ZNF592: variants seen among roughly 807,000 people sequenced by gnomAD.
ZNF592 encodes the protein spinocerebellar ataxia, autosomal recessive 5.
Under a neutral mutation model 80.3 loss-of-function variants are expected in ZNF592, and 11 were observed. The observed-to-expected ratio is 0.14, with a 90% CI of 0.09 to 0.23. ZNF592 has a LOEUF of 0.23. Among genes scored for constraint, ZNF592 ranks in the 10% least tolerant of loss-of-function variants. The pLI, the probability that ZNF592 is intolerant of heterozygous loss-of-function variation, is 1.00. For synonymous variants in ZNF592, 646 were observed against 640.3 expected (o/e 1.01, Z -0.13); for missense variants, 1,420 against 1,633.9 (o/e 0.87, Z 2.26).
rs1291024486 is a variant in ZNF592 at position 84,799,738 on chromosome 15, C to G, written c.3138-104C>G. On this transcript the variant is annotated intron_variant, in intron 9 of 10. Transcript: ENST00000560079. The surrounding 1 kb of genome is among the most constrained non-coding windows in gnomAD (Gnocchi z 4.2). ...CTGGGGTTCCCAGCACTAGCCAGCC[C>G]AGGAGTCTGCTCCAGACTCCCTCCT... 1.3e-6 allele frequency: 2 copies of G among 1,557,256 alleles called. No individual in the cohort carries two copies. The highest frequency in any genetic ancestry group is 1.4e-5 in the African/African-American group (1 of 73,998).
chr15:84,794,172 A>G (rs1169778053), intron 5 of ZNF592, among the ~76,000 whole-genome samples: 1 of 150,968 alleles, frequency 6.6e-6, no homozygotes, highest in African/African-American at 2.5e-5. Context: ...GCAAACCACC[A>G]TGGCACGTGT....
At position 84,798,718 on chromosome 15, in the gene ZNF592, G is replaced by C; in HGVS notation, c.2867G>C (p.Ser956Thr). The C allele has an allele frequency of 6.2e-7, 1 of 1,612,644 alleles. No individual in the cohort carries two copies. The highest frequency in any genetic ancestry group is 8.5e-7 in the Non-Finnish European group (1 of 1,180,012). ...GCCACTAGTGTGGCTGCTCGGAGCA[G>C]CTCCCTGCCTTCTGGCCGCTGGGGT... ...PPATSVAARS[S>T]SLPSGRWGRP... The change falls in exon 8 of 11, where the codon AGC (serine) becomes ACC (threonine). Residue 956 changes from serine (S) to threonine (T), a missense_variant. Around this residue, in one of 7 missense-constraint regions of ZNF592, gnomAD observed 331 missense variants for 347.0 expected, o/e 0.95. Coordinates refer to ENST00000560079, the MANE Select transcript of ZNF592 (RefSeq NM_014630.3). This position sits in a 1 kb window ranked among gnomAD's most constrained non-coding sequence, Gnocchi z 4.5.
rs1232257599 is a variant in ZNF592, at chr15:84,799,399, C to T, written c.3137+189C>T. ...AAAATCAGCTTCCAGAACCTGGTAG[C>T]TCCTGAGCCCTCTCTCGTCACTCTC... On this transcript the variant is annotated intron_variant, in intron 9 of 10. Transcript: ENST00000560079. This position sits in a 1 kb window ranked among gnomAD's most constrained non-coding sequence, Gnocchi z 4.2. 6.6e-6 allele frequency among the ~76,000 whole-genome samples: 1 copy of T among 152,184 alleles called. No homozygotes were observed. The highest frequency in any genetic ancestry group is 1.9e-4 in the East Asian group (1 of 5,192).
Position 84,799,811 on chromosome 15 carries a change from C to T in ZNF592, c.3138-31C>T. 1 of 1,613,328 alleles carries T rather than the reference C, an allele frequency of 6.2e-7. No homozygotes were observed. The highest frequency in any genetic ancestry group is 8.5e-7 in the Non-Finnish European group (1 of 1,179,980). Reference sequence around the variant, plus strand: ...ACTGAGGGAGCCTGCGGCCCGGGCACTTACCTGACCTCTCCGCTGTGCTTC... The same window carrying T: ...ACTGAGGGAGCCTGCGGCCCGGGCATTTACCTGACCTCTCCGCTGTGCTTC... On this transcript the variant is annotated intron_variant, in intron 9 of 10. Transcript: ENST00000560079. The surrounding 1 kb of genome is among the most constrained non-coding windows in gnomAD (Gnocchi z 4.2).
intron 2 of ZNF592, among the ~76,000 whole-genome samples, chr15:84,768,910 A>G (rs1331299631): frequency 6.6e-6 from 1 of 152,214 alleles, no homozygotes; most frequent in Admixed American, 6.5e-5. Context: ...TTAATTCTGG[A>G]CAAATGAGCT....
chr15:84,757,543 A>G (rs931582661), intron 1 of ZNF592, among the ~76,000 whole-genome samples: 3 of 151,960 alleles, frequency 2.0e-5, no homozygotes, highest in Admixed American at 2.0e-4. Flanking sequence ...TTGTAGAGAC[A>G]GGATCTCGCT....
At position 84,784,268 on chromosome 15, in the gene ZNF592, A is replaced by G; in HGVS notation, c.1593A>G (p.Pro531=). 6.2e-7 allele frequency: 1 copy of G among 1,614,254 alleles called. No individual in the cohort carries two copies. Among genetic ancestry groups the G allele is most frequent in the Non-Finnish European group, 8.5e-7 (1 of 1,180,042 alleles). The change falls in exon 4 of 11, where the codon CCA becomes CCG. Residue 531 remains proline (P), a synonymous_variant. Transcript: ENST00000560079. This position sits in a 1 kb window ranked among gnomAD's most constrained non-coding sequence, Gnocchi z 5.8. ...CTTCAGTGCAAAGACGGAGCCAGCC[A>G]CAGCTTACACAAATGTCGGTGCCCC... ...AKSSVQRRSQ[P]QLTQMSVPLV... is the part of the protein sequence containing the mutation.
chr15:84,781,609 A>G (rs1017460357), intron 3 of ZNF592, among the ~76,000 whole-genome samples: 7 of 152,204 alleles, frequency 4.6e-5, no homozygotes, highest in Non-Finnish European at 5.9e-5. Flanking sequence ...AATTGTGCCA[A>G]TCTGCATCCA....
chr15:84,797,782 T>G, intron 5 of ZNF592, 87 bp from the exon 6 acceptor site: 2 of 1,483,314 alleles, frequency 1.3e-6, no homozygotes, highest in South Asian at 2.3e-5. Flanking sequence ...TCTGTTCCTC[T>G]TCTCCATCCC....
At position 84,802,295 on chromosome 15, in the gene ZNF592, C is replaced by G. The variant is rs1246632859; in HGVS notation, c.3706C>G (p.Leu1236Val). ...AGCTGACCCAGAGGCGAGGAGATTGCTGGGCCCGGCCCCTGAGGACGATGG... is the reference window on the plus strand; with the variant it reads ...AGCTGACCCAGAGGCGAGGAGATTGGTGGGCCCGGCCCCTGAGGACGATGG... ...LSADPEARRL[L>V]GPAPEDDGGH... Residue 1236 changes from leucine to valine, a missense_variant, in exon 11 of 11, where the codon CTG (leucine) becomes GTG (valine). This residue lies in a region of ZNF592 where 145 missense variants were observed against 211.9 expected (regional missense o/e 0.68). Coordinates refer to ENST00000560079, the MANE Select transcript of ZNF592 (RefSeq NM_014630.3). 6.2e-7 allele frequency: 1 copy of G among 1,612,786 alleles called. No homozygotes were observed. The highest frequency in any genetic ancestry group is 8.5e-7 in the Non-Finnish European group (1 of 1,179,248).
chr15:84,776,823 C>T (rs564797961), intron 2 of ZNF592, among the ~76,000 whole-genome samples: 15 of 151,662 alleles, frequency 9.9e-5, no homozygotes, highest in African/African-American at 2.9e-4. Flanking sequence ...CGGCCAAGGC[C>T]GGTGGAATAC....
chr15:84,790,079 G>GCCACCCATCCCACCCCCCAACCCCCA (rs1962699825), intron 4 of ZNF592, among the ~76,000 whole-genome samples: 1 of 86,130 alleles, frequency 1.2e-5, no homozygotes, highest in Non-Finnish European at 2.3e-5. Context: ...GGGAACCCCC[G>GCCACCCATCCCACCCCCCAACCCCCA]CCACCCATCC....
At chr15:84,787,186 G>T (rs925442112) in intron 4 of ZNF592, among the ~76,000 whole-genome samples, 2 of 152,084 alleles carry the variant, frequency 1.3e-5, no homozygotes, top group Admixed American at 1.3e-4. Flanking sequence ...GTAGGCAGAG[G>T]TCTGGGTGTA....
At chr15:84,790,915 TGCCCAATG>T (rs751457012) in intron 5 of ZNF592, 32 bp downstream of exon 5, 8 of 1,613,914 alleles carry the variant, frequency 5.0e-6, no homozygotes, top group Non-Finnish European at 6.8e-6. Flanking sequence ...GTCCTGGTAT[TGCCCAATG>T]GCTGGTCCTT....
intron 1 of ZNF592, among the ~76,000 whole-genome samples, chr15:84,753,858 A>G (rs1899085179): frequency 6.6e-6 from 1 of 152,190 alleles, no homozygotes. Flanking sequence ...TGAATGTTTG[A>G]TGTCCTTGAG....
chr15:84,764,787 C>T lies in ZNF592; in HGVS notation c.-178C>T. ...GCTCTGCTCCCCTAGCAACGCTCGCCACACCCTTGTTTTGAGATCCTCTCT... is the reference window on the plus strand; with the variant it reads ...GCTCTGCTCCCCTAGCAACGCTCGCTACACCCTTGTTTTGAGATCCTCTCT... On this transcript the variant is annotated 5_prime_UTR_variant, in exon 2 of 11. Coordinates refer to ENST00000560079, the MANE Select transcript of ZNF592 (RefSeq NM_014630.3). The T allele has an allele frequency of 2.5e-6, 1 of 398,958 alleles. No homozygotes were observed. The highest frequency in any genetic ancestry group is 1.3e-4 in the South Asian group (1 of 7,844). The allele number at this position is 398,958 out of a possible 1,614,324, so 24.7% of individuals were successfully genotyped here.
At chr15:84,790,418 C>T (rs1191235750) in intron 4 of ZNF592, among the ~76,000 whole-genome samples, 2 of 152,128 alleles carry the variant, frequency 1.3e-5, no homozygotes, top group African/African-American at 4.8e-5. Context: ...TGGTCCTCTG[C>T]TAAGCCACAG....
intron 4 of ZNF592, among the ~76,000 whole-genome samples, chr15:84,788,717 A>C (rs1282004983): frequency 6.6e-6 from 1 of 152,250 alleles, no homozygotes; most frequent in East Asian, 1.9e-4. Flanking sequence ...GTTTTAAAAA[A>C]GAAACAAACA....
rs988784076 is a variant in ZNF592 at position 84,778,244 on chromosome 15, C to T, written c.-88C>T. ...GACAGAAGGAAGACGCTCCCCCGTA[C>T]GGAGACAGAGGGAGGGGGGGCTCCA... On this transcript the variant is annotated 5_prime_UTR_variant, in exon 3 of 11. In the 5' UTR this introduces an upstream ATG that the reference lacks. Coordinates refer to ENST00000560079, the MANE Select transcript of ZNF592 (RefSeq NM_014630.3). The T allele has an allele frequency of 3.1e-5, 8 of 261,026 alleles. No homozygotes were observed. The highest frequency in any genetic ancestry group is 1.4e-4 in the African/African-American group (6 of 43,210). The allele number at this position is 261,026 out of a possible 1,614,324, so 16.2% of individuals were successfully genotyped here.
Sources: gnomAD v4.1 joint callset for allele counts (sites outside exome capture counted in the v4.1 genomes callset) on GRCh38, gnomAD v4.1.1 for gene constraint, gnomAD v4.1.1 regional missense constraint, Gnocchi (gnomAD v3.1) non-coding constraint, MANE v1.5 for transcripts, NCBI Gene and HGNC (gene_info 2026-07-23, HGNC 2026-07-21) for gene names.